GLI2: variants seen among roughly 807,000 people sequenced by gnomAD.
GLI2 encodes the protein transcription activator GLI2.
A neutral mutation model predicts 78.9 loss-of-function variants in GLI2; 22 were observed. The ratio of observed to expected loss-of-function variants is 0.28; its 90% CI spans 0.20 to 0.40. GLI2 has a LOEUF of 0.40. Among genes scored for constraint, GLI2 ranks in the 10% least tolerant of loss-of-function variants. The pLI is 1.00. For synonymous variants in GLI2, 974 were observed against 963.7 expected (o/e 1.01, Z -0.20); for missense variants, 2,097 against 2,213.2 (o/e 0.95, Z 1.05).
intron 2 of GLI2, among the ~76,000 whole-genome samples, chr2:120,826,564 G>A (rs1419965163): frequency 6.6e-6 from 1 of 152,132 alleles, no homozygotes; most frequent in African/African-American, 2.4e-5. Flanking sequence ...GCTTTGGAGT[G>A]GTGGAGATTT....
chr2:120,821,911 C>T (rs2104749686), intron 2 of GLI2, among the ~76,000 whole-genome samples: 1 of 152,302 alleles, frequency 6.6e-6, no homozygotes, highest in South Asian at 2.1e-4. Flanking sequence ...CCCGAGGCCC[C>T]CACTATGTGT....
At chr2:120,896,397 A>T (rs1677946220) in intron 2 of GLI2, among the ~76,000 whole-genome samples, 2 of 152,164 alleles carry the variant, frequency 1.3e-5, no homozygotes, top group Admixed American at 1.3e-4. Context: ...TGCCTGAGGC[A>T]GGGTGGGATC....
At chr2:120,829,959 G>A (rs886336326) in intron 2 of GLI2, among the ~76,000 whole-genome samples, 1 of 152,210 alleles carries the variant, frequency 6.6e-6, no homozygotes, top group Non-Finnish European at 1.5e-5. Flanking sequence ...GGGCAGGTGT[G>A]CCTGCGTGTG....
intron 3 of GLI2, among the ~76,000 whole-genome samples, chr2:120,941,227 T>C (rs2104916447): frequency 6.6e-6 from 1 of 152,372 alleles, no homozygotes; most frequent in East Asian, 1.9e-4. Context: ...AGTTCTCCAT[T>C]GTTTTCCAAA....
At chr2:120,951,550 G>C (rs940614220) in intron 4 of GLI2, 105 bp downstream of exon 4, 1 of 711,430 alleles carries the variant, frequency 1.4e-6, no homozygotes, top group Non-Finnish European at 2.4e-6. Context: ...TGGTCCCCTT[G>C]AATGGTGACC....
intron 2 of GLI2, among the ~76,000 whole-genome samples, chr2:120,857,686 A>G (rs574129185): frequency 1.3e-5 from 2 of 152,096 alleles, no homozygotes; most frequent in East Asian, 1.9e-4. Flanking sequence ...CCGCTATCCA[A>G]TGCATTTTTC....
rs1682914182 is a variant in GLI2, at chr2:120,985,159, ATC to A, written c.1905+420_1905+421del. Among the ~76,000 whole-genome samples the A allele has an allele frequency of 2.6e-5, 4 of 151,922 alleles. No homozygotes were observed. In the South Asian group the frequency reaches 8.3e-4, roughly 32 times the overall value. ...TTCTAACCACCTGTTCTTTGTCTCC[ATC>A]TCTTTTTCCTGACTGTACCTCCCCT... On this transcript the variant is annotated intron_variant, in intron 12 of 13. Coordinates refer to ENST00000361492, the MANE Select transcript of GLI2 (RefSeq NM_001374353.1).
At chr2:120,853,094 C>T (rs975076282) in intron 2 of GLI2, among the ~76,000 whole-genome samples, 1 of 152,230 alleles carries the variant, frequency 6.6e-6, no homozygotes, top group East Asian at 1.9e-4. Context: ...CTCTGCAAGG[C>T]GAGTGAAGGC....
intron 2 of GLI2, among the ~76,000 whole-genome samples, chr2:120,897,842 A>G (rs1678054220): frequency 6.6e-6 from 1 of 152,136 alleles, no homozygotes; most frequent in Non-Finnish European, 1.5e-5. Flanking sequence ...TCACCTCTTT[A>G]GGGTGCTAAC....
At chr2:120,759,014 C>G (rs1683132502) in intron 1 of GLI2, among the ~76,000 whole-genome samples, 1 of 152,156 alleles carries the variant, frequency 6.6e-6, no homozygotes, top group African/African-American at 2.4e-5. Flanking sequence ...TCCCTGCACC[C>G]TCCCCCACCC....
intron 2 of GLI2, among the ~76,000 whole-genome samples, chr2:120,808,520 C>T (rs1271817507): frequency 6.6e-6 from 1 of 152,186 alleles, no homozygotes; most frequent in East Asian, 1.9e-4. Flanking sequence ...GGAAGAAAAA[C>T]TTGCCAACGA....
intron 5 of GLI2, among the ~76,000 whole-genome samples, chr2:120,963,589 GGTGTGTGTGTGTCCACCTGGGGTGT>G (rs1034465396): frequency 1.3e-5 from 2 of 151,294 alleles, no homozygotes; most frequent in Non-Finnish European, 3.0e-5. Context: ...TGTCCACCTG[GGTGTGTGTGTGTCCACCTGGGGTGT>G]GTGTGTGTGT....
intron 2 of GLI2, among the ~76,000 whole-genome samples, chr2:120,924,542 T>C (rs77992225): frequency 1.3e-5 from 2 of 149,548 alleles, no homozygotes; most frequent in African/African-American, 4.9e-5. Context: ...CATTTAGAAA[T>C]ACACACACAC....
chr2:120,890,714 C>T (rs1171726886), intron 2 of GLI2, among the ~76,000 whole-genome samples: 1 of 152,188 alleles, frequency 6.6e-6, no homozygotes, highest in East Asian at 1.9e-4. Flanking sequence ...ATATGCAATG[C>T]GAATTACGTC....
intron 2 of GLI2, among the ~76,000 whole-genome samples, chr2:120,856,335 C>T (rs542808900): frequency 2.0e-4 from 31 of 152,204 alleles, no homozygotes; most frequent in Non-Finnish European, 4.6e-4. Flanking sequence ...TGCTGTGCCA[C>T]TCACCTTGCC....
At chr2:120,867,876 G>A (rs1688225754) in intron 2 of GLI2, among the ~76,000 whole-genome samples, 1 of 152,226 alleles carries the variant, frequency 6.6e-6, no homozygotes, top group Non-Finnish European at 1.5e-5. Context: ...GGGGAGGAGA[G>A]AGAGGGAATG....
intron 1 of GLI2, among the ~76,000 whole-genome samples, chr2:120,780,193 G>A (rs1021272385): frequency 1.3e-5 from 2 of 152,138 alleles, no homozygotes; most frequent in African/African-American, 4.8e-5. Context: ...GTGGGCGGGC[G>A]TGCCACACAC....
intron 2 of GLI2, among the ~76,000 whole-genome samples, chr2:120,902,769 G>T (rs1284180925): frequency 6.6e-6 from 1 of 152,192 alleles, no homozygotes; most frequent in African/African-American, 2.4e-5. Flanking sequence ...TTAGAGGTTG[G>T]AGTTCACCCT....
At chr2:120,890,636 G>A (rs1357726047) in intron 2 of GLI2, among the ~76,000 whole-genome samples, 1 of 152,190 alleles carries the variant, frequency 6.6e-6, no homozygotes, top group Non-Finnish European at 1.5e-5. Context: ...TACACAGGAT[G>A]TCTTCCTGTT....
Sources: allele counts gnomAD v4.1 joint callset (sites outside exome capture counted in the v4.1 genomes callset), GRCh38; gene constraint gnomAD v4.1.1; transcripts MANE v1.5; gene names NCBI Gene and HGNC (gene_info 2026-07-23, HGNC 2026-07-21).